Variants in AP4S1 observed in about 807,000 individuals in gnomAD.
AP4S1 encodes adaptor related protein complex 4 subunit sigma 1, also known as AP-4 complex subunit sigma-1.
Under a neutral mutation model 19.8 loss-of-function variants are expected in AP4S1, and 23 were observed. That is an observed-to-expected ratio of 1.16 (90% confidence interval 0.84 to 1.65). AP4S1 has a LOEUF of 1.65. Ranked by LOEUF, AP4S1 falls within the 40% of genes most tolerant of loss-of-function variation. AP4S1 has a pLI of 0.00. For synonymous variants in AP4S1, 46 were observed against 54.1 expected, an observed-to-expected ratio of 0.85 and a Z score of 0.66; for missense variants, 166 against 172.8, an observed-to-expected ratio of 0.96 and a Z score of 0.22.
At chr14:31,079,684 G>C (rs1194678249) in intron 4 of AP4S1, among the ~76,000 whole-genome samples, 1 of 152,072 alleles carries the variant, frequency 6.6e-6, no homozygotes. Context: ...AAATTAGCCA[G>C]GTGTGGTGGC....
Position 31,096,033 on chromosome 14 carries a change from TGAGATC to T in AP4S1, c.*3004_*3009del, listed in dbSNP as rs1468273345. The T allele has an allele frequency of 7.1e-6, 1 of 141,378 alleles. No homozygotes were observed. Among genetic ancestry groups the T allele is most frequent in the Non-Finnish European group, 1.5e-5 (1 of 66,810 alleles). 8.8% of individuals were successfully genotyped at this position (141,378 alleles called of 1,614,324 possible). On this transcript the variant is annotated 3_prime_UTR_variant, in exon 6 of 6. Transcript: ENST00000542754. Reference sequence around the variant, plus strand: ...CCAGGAGACAGAGGTTGCAGTGAGTTGAGATCGAGATTGTGCCACTGCACTCCAGCC... The same window carrying T: ...CCAGGAGACAGAGGTTGCAGTGAGTTGAGATTGTGCCACTGCACTCCAGCC...
rs1288661716 is a variant in AP4S1 at position 31,074,143 on chromosome 14, G to T, written c.294+1170G>T. 2.0e-5 allele frequency among the ~76,000 whole-genome samples: 3 copies of T among 151,220 alleles called. No homozygotes were observed. In the East Asian group the frequency reaches 5.9e-4, roughly 30 times the overall value. ...AGTTGAAGACCAGGCTGGCCAAAAT[G>T]GTGAAACCCTGTCTCTACTAAAAAT... On this transcript the variant is annotated intron_variant, in intron 4 of 5. Transcript: ENST00000542754.
intron 1 of AP4S1, among the ~76,000 whole-genome samples, chr14:31,065,106 A>T (rs1331496834): frequency 1.3e-5 from 2 of 152,212 alleles, no homozygotes; most frequent in African/African-American, 4.8e-5. Flanking sequence ...GAAAAGCTTT[A>T]CTATAGATCT....
At chr14:31,043,437 A>G (rs1172748436) in intron 1 of AP4S1, among the ~76,000 whole-genome samples, 3 of 152,156 alleles carry the variant, frequency 2.0e-5, no homozygotes, top group East Asian at 1.9e-4. Flanking sequence ...GTAGAATGGA[A>G]CAGGTACAGG....
Position 31,089,725 on chromosome 14 carries a change from T to C in AP4S1, c.307-3182T>C, listed in dbSNP as rs371223470. 1.1e-4 allele frequency among the ~76,000 whole-genome samples: 17 copies of C among 152,208 alleles called. No homozygotes were observed. The East Asian group carries it at 1.7e-3, about 16-fold the overall frequency. On this transcript the variant is annotated intron_variant, in intron 5 of 5. Coordinates refer to ENST00000542754, the MANE Select transcript of AP4S1 (RefSeq NM_001128126.3). ...AGGTCAGGAGTTATAGAGACCAGCC[T>C]GGCCAACATGGCAAAACCTCGTCTC...
chr14:31,050,213 C>T (rs149164134), intron 1 of AP4S1, among the ~76,000 whole-genome samples: 6,856 of 152,060 alleles, frequency 0.045, 217 homozygotes, highest in Non-Finnish European at 0.061. Context: ...TGAGCCACCA[C>T]GCCTGTCCTA....
intron 1 of AP4S1, among the ~76,000 whole-genome samples, chr14:31,031,906 A>C (rs111547183): frequency 7.6e-6 from 1 of 130,818 alleles, no homozygotes; most frequent in Non-Finnish European, 1.6e-5. Context: ...TTGCCAGCCT[A>C]TGCAACATGG....
At chr14:31,079,770 G>T (rs902842626) in intron 4 of AP4S1, among the ~76,000 whole-genome samples, 2 of 152,102 alleles carry the variant, frequency 1.3e-5, no homozygotes, top group African/African-American at 2.4e-5. Flanking sequence ...AGGTTGTAAT[G>T]AACCAAGATC....
chr14:31,096,114 A>AAATG lies in AP4S1; in HGVS notation c.*3079_*3080insAATG. 6.9e-6 allele frequency: 1 copy of AAATG among 145,504 alleles called. No individual in the cohort carries two copies. Among genetic ancestry groups the AAATG allele is most frequent in the South Asian group, 2.2e-4 (1 of 4,570 alleles). 9.0% of individuals were successfully genotyped at this position (145,504 alleles called of 1,614,324 possible). On this transcript the variant is annotated 3_prime_UTR_variant, in exon 6 of 6. Transcript: ENST00000542754. Reference sequence around the variant, plus strand: ...CAAAAAAAAAAAAAAAAAAAAAAGTAGAAAGCAAGAAAGTGTCTCTGTACA... The same window carrying AAATG: ...CAAAAAAAAAAAAAAAAAAAAAAGTAAATGGAAAGCAAGAAAGTGTCTCTGTACA...
Position 31,080,662 on chromosome 14 carries a change from G to A in AP4S1, c.306+78G>A, listed in dbSNP as rs1887590681. The A allele has an allele frequency of 3.8e-6, 6 of 1,598,856 alleles. No individual in the cohort carries two copies. Among genetic ancestry groups the A allele is most frequent in the African/African-American group, 1.3e-5 (1 of 74,578 alleles). On this transcript the variant is annotated intron_variant, in intron 5 of 5. Coordinates refer to ENST00000542754, the MANE Select transcript of AP4S1 (RefSeq NM_001128126.3). ...CTTATCAGGTAAGTACCACAAGGCAGGAAAACTATTCAGCAGAGTCCAGAG... is the reference window on the plus strand; with the variant it reads ...CTTATCAGGTAAGTACCACAAGGCAAGAAAACTATTCAGCAGAGTCCAGAG...
chr14:31,074,324 CAAATAAATAAATAAATAAAT>C lies in AP4S1; in HGVS notation c.294+1375_294+1394del, dbSNP rs138770796. Among the ~76,000 whole-genome samples, 5 of 139,042 alleles carry C rather than the reference CAAATAAATAAATAAATAAAT, an allele frequency of 3.6e-5. No homozygotes were observed. In the South Asian group the frequency reaches 7.1e-4, roughly 20 times the overall value. 91.2% of individuals were successfully genotyped at this position (139,042 alleles called of 152,430 possible). ...TTAGTGACAGGGCGAGACTCCGTCT[CAAATAAATAAATAAATAAAT>C]AAATAAATAAATAAATAAATAAAGT... On this transcript the variant is annotated intron_variant, in intron 4 of 5. Transcript: ENST00000542754.
intron 1 of AP4S1, among the ~76,000 whole-genome samples, chr14:31,058,635 A>G (rs993915091): frequency 3.3e-5 from 5 of 151,498 alleles, no homozygotes; most frequent in Admixed American, 3.3e-4. Flanking sequence ...TGTTGTGATC[A>G]TAGCTCACCA....
At chr14:31,025,856 C>CG in intron 1 of AP4S1, 69 bp downstream of exon 1, 1 of 1,568,712 alleles carries the variant, frequency 6.4e-7, no homozygotes, top group African/African-American at 1.4e-5. Flanking sequence ...ACCCCCCGGC[C>CG]GGGAACCCAG....
intron 1 of AP4S1, among the ~76,000 whole-genome samples, chr14:31,049,039 A>T (rs1327361997): frequency 6.6e-6 from 1 of 151,818 alleles, no homozygotes; most frequent in Non-Finnish European, 1.5e-5. Flanking sequence ...ACCCTAGGTC[A>T]GGAGTTCAAG....
chr14:31,072,885 C>A lies in AP4S1; in HGVS notation c.226-20C>A. The A allele has an allele frequency of 1.3e-6, 2 of 1,598,210 alleles. No homozygotes were observed. The highest frequency in any genetic ancestry group is 1.7e-6 in the Non-Finnish European group (2 of 1,165,916). On this transcript the variant is annotated intron_variant, in intron 3 of 5. Transcript: ENST00000542754. ...GGAAGCGACACTAAAATTGATTGTA[C>A]CTTTCTTCTTTTATTGTAGAACGAG...
chr14:31,073,402 A>G (rs565560706), intron 4 of AP4S1, among the ~76,000 whole-genome samples: 6 of 135,352 alleles, frequency 4.4e-5, no homozygotes, highest in Non-Finnish European at 9.8e-5. Context: ...AGGCAGGAGA[A>G]TGGCGTGAAC....
intron 4 of AP4S1, among the ~76,000 whole-genome samples, chr14:31,073,359 G>T (rs1310898023): frequency 7.6e-6 from 1 of 132,186 alleles, no homozygotes. Flanking sequence ...GCGTGGTGGT[G>T]GGCGCCTGTA....
intron 5 of AP4S1, among the ~76,000 whole-genome samples, chr14:31,091,175 C>T (rs1002132312): frequency 1.3e-5 from 2 of 152,306 alleles, no homozygotes; most frequent in African/African-American, 4.8e-5. Flanking sequence ...CACAGAGCAG[C>T]TTGATCCCCG....
At chr14:31,030,885 C>T (rs1295104600) in intron 1 of AP4S1, among the ~76,000 whole-genome samples, 1 of 152,156 alleles carries the variant, frequency 6.6e-6, no homozygotes, top group Non-Finnish European at 1.5e-5. Flanking sequence ...AGAATTCCAA[C>T]GGAATGTGAC....
Sources: gnomAD v4.1 joint callset for allele counts (sites outside exome capture counted in the v4.1 genomes callset) on GRCh38, gnomAD v4.1.1 for gene constraint, MANE v1.5 for transcripts, NCBI Gene and HGNC (gene_info 2026-07-23, HGNC 2026-07-21) for gene names.